DPP6: variants seen among roughly 807,000 people sequenced by gnomAD.
DPP6 encodes A-type potassium channel modulatory protein DPP6.
In DPP6, 69 loss-of-function variants were observed where a neutral mutation model predicts 122.6. That is an observed-to-expected ratio of 0.56 (90% CI 0.46 to 0.69). The LOEUF (loss-of-function observed/expected upper bound fraction) is 0.69. Ranked by LOEUF, DPP6 falls within the 30% of genes least tolerant of loss-of-function variation. The probability of loss-of-function intolerance (pLI) is 0.00; values close to 1 mark genes in which losing one functional copy is unlikely to be tolerated. For missense variants in DPP6, 928 were observed against 1,116.9 expected (o/e 0.83, Z 2.41); for synonymous variants, 418 against 433.1 (o/e 0.97, Z 0.43).
intron 1 of DPP6, among the ~76,000 whole-genome samples, chr7:153,935,203 G>C (rs371505183): frequency 6.0e-4 from 92 of 152,194 alleles, no homozygotes; most frequent in African/African-American, 1.9e-3. Context: ...GGGAGCTGCA[G>C]GTCAGCAGAC....
chr7:153,790,975 A>C, the DPP6 span, among the ~76,000 whole-genome samples: 1 of 152,216 alleles, frequency 6.6e-6, no homozygotes, highest in African/African-American at 2.4e-5. Context: ...GAGATAAAGA[A>C]AGGCCTCAAG....
chr7:153,907,594 A>G (rs1412995481), intron 1 of DPP6, among the ~76,000 whole-genome samples: 2 of 152,140 alleles, frequency 1.3e-5, no homozygotes, highest in Non-Finnish European at 2.9e-5. Context: ...AAATCAGTGG[A>G]CTTTGAGTAA....
intron 1 of DPP6, among the ~76,000 whole-genome samples, chr7:154,249,117 T>C (rs1802186576): frequency 6.6e-6 from 1 of 152,194 alleles, no homozygotes; most frequent in African/African-American, 2.4e-5. Context: ...CTGACAATGA[T>C]TATAATCTGC....
At chr7:154,832,241 G>C (rs1800688395) in intron 16 of DPP6, among the ~76,000 whole-genome samples, 1 of 152,154 alleles carries the variant, frequency 6.6e-6, no homozygotes, top group Admixed American at 6.5e-5. Context: ...GGGAGAGAGA[G>C]GTACTCAGGA....
intron 1 of DPP6, among the ~76,000 whole-genome samples, chr7:154,182,474 A>T (rs1313956567): frequency 2.6e-5 from 4 of 152,094 alleles, no homozygotes; most frequent in Non-Finnish European, 5.9e-5. Flanking sequence ...TGCCAAAGGG[A>T]TGCTGCTTCC....
At chr7:153,758,133 T>G in the DPP6 span, among the ~76,000 whole-genome samples, 2 of 152,164 alleles carry the variant, frequency 1.3e-5, no homozygotes, top group Admixed American at 1.3e-4. Flanking sequence ...GCAAGTCCTT[T>G]AGGGAAAGGG....
chr7:154,695,550 C>T (rs553879548), intron 7 of DPP6, among the ~76,000 whole-genome samples: 1 of 152,054 alleles, frequency 6.6e-6, no homozygotes, highest in Non-Finnish European at 1.5e-5. Context: ...TGAAGTAATC[C>T]TCTAAATCAC....
chr7:154,060,141 C>A (rs1245220792), intron 1 of DPP6, among the ~76,000 whole-genome samples: 2 of 148,962 alleles, frequency 1.3e-5, no homozygotes, highest in South Asian at 2.1e-4. Flanking sequence ...CACCTTTCCT[C>A]CCCTGGCTCT....
At chr7:154,133,526 T>C (rs1795393565) in intron 1 of DPP6, among the ~76,000 whole-genome samples, 1 of 152,060 alleles carries the variant, frequency 6.6e-6, no homozygotes, top group Non-Finnish European at 1.5e-5. Context: ...CAGGATGACA[T>C]TAGTTAGGCA....
At chr7:154,703,618 CAAAAAA>C (rs56393329) in intron 7 of DPP6, among the ~76,000 whole-genome samples, 1 of 117,448 alleles carries the variant, frequency 8.5e-6, no homozygotes, top group Non-Finnish European at 1.9e-5. Context: ...CACTCTGTCT[CAAAAAA>C]AAAAAAAAAA....
chr7:153,756,714 A>C, the DPP6 span, among the ~76,000 whole-genome samples: 1 of 151,858 alleles, frequency 6.6e-6, no homozygotes, highest in Non-Finnish European at 1.5e-5. Flanking sequence ...ATCACCCAAA[A>C]CTTAAATCAT....
chr7:154,425,604 A>AAAG (rs60604834), intron 1 of DPP6, among the ~76,000 whole-genome samples: 23 of 128,278 alleles, frequency 1.8e-4, no homozygotes, highest in East Asian at 6.4e-4. Context: ...GGGGAAAAAA[A>AAAG]TGTGTGTGTG....
At chr7:153,879,002 GAA>G in the DPP6 span, among the ~76,000 whole-genome samples, 1 of 151,874 alleles carries the variant, frequency 6.6e-6, no homozygotes, top group Non-Finnish European at 1.5e-5. Flanking sequence ...AACAGAAAAA[GAA>G]AAAAAATGAA....
intron 1 of DPP6, among the ~76,000 whole-genome samples, chr7:154,425,427 A>G (rs1016126726): frequency 6.6e-6 from 1 of 152,158 alleles, no homozygotes; most frequent in Non-Finnish European, 1.5e-5. Context: ...TCTGGAGCTT[A>G]GCTGTACAAT....
chr7:154,410,906 T>C lies in DPP6; in HGVS notation c.244-35308T>C, dbSNP rs1380315176. Among the ~76,000 whole-genome samples, 6 of 152,294 alleles carry C rather than the reference T, an allele frequency of 3.9e-5. No individual in the cohort carries two copies. The East Asian group carries it at 9.6e-4, about 24-fold the overall frequency. ...GTTCTTTATAAAGAAAAAAGTACAG[T>C]TTGGTTCCCTGAAAAATACATGAAT... is the stretch of plus-strand genomic sequence containing the variant. On this transcript the variant is annotated intron_variant, in intron 1 of 25. Transcript: ENST00000377770.
chr7:154,019,543 C>T (rs1798600403), intron 1 of DPP6, among the ~76,000 whole-genome samples: 1 of 151,956 alleles, frequency 6.6e-6, no homozygotes, highest in Non-Finnish European at 1.5e-5. Context: ...ATTTAATGCA[C>T]ACAGTGTAAC....
rs145209565 is a variant in DPP6 at position 154,082,558 on chromosome 7, G to A, written c.243+29495G>A. On this transcript the variant is annotated intron_variant, in intron 1 of 25. Transcript: ENST00000377770. Reference sequence around the variant, plus strand: ...AAGAACACCCCCAGTTCCATTAAACGACATGAAGTACAGAAAGTCCTGGCT... The same window carrying A: ...AAGAACACCCCCAGTTCCATTAAACAACATGAAGTACAGAAAGTCCTGGCT... 6.7e-3 allele frequency among the ~76,000 whole-genome samples: 1,012 copies of A among 151,814 alleles called. 9 individuals carry two copies. The highest frequency in any genetic ancestry group is 0.022 in the African/African-American group (920 of 41,384).
At chr7:154,637,997 C>A in intron 6 of DPP6, 124 bp downstream of exon 6, 1 of 1,096,084 alleles carries the variant, frequency 9.1e-7, no homozygotes, top group Non-Finnish European at 1.3e-6. Context: ...GCCAAGGGTG[C>A]TGGTATCGTG....
intron 5 of DPP6, chr7:154,588,039 G>T: frequency 6.2e-7 from 1 of 1,611,274 alleles, no homozygotes. Context: ...CGGGGATAAT[G>T]CACAGCAGCT....
Sources: gnomAD v4.1 joint callset for allele counts (sites outside exome capture counted in the v4.1 genomes callset) on GRCh38, gnomAD v4.1.1 for gene constraint, MANE v1.5 for transcripts, NCBI Gene and HGNC (gene_info 2026-07-23, HGNC 2026-07-21) for gene names.